The following CEP95 variants were observed in gnomAD, a reference collection of about 807,000 sequenced individuals.
CEP95 encodes centrosomal protein 95.
A neutral mutation model predicts 111.2 loss-of-function variants in CEP95; 98 were observed. That is an observed-to-expected ratio of 0.88 (90% CI 0.75 to 1.04). The LOEUF (loss-of-function observed/expected upper bound fraction) is 1.04. Among genes scored for constraint, CEP95 ranks in the 50% least tolerant of loss-of-function variants. The pLI is 0.00. For missense variants in CEP95, 1,027 were observed against 977.2 expected, an observed-to-expected ratio of 1.05 and a Z score of -0.68; for synonymous variants, 323 against 327.1, an observed-to-expected ratio of 0.99 and a Z score of 0.14.
intron 4 of CEP95, among the ~76,000 whole-genome samples, chr17:64,516,433 T>G (rs1371547651): frequency 6.6e-6 from 1 of 152,170 alleles, no homozygotes; most frequent in Non-Finnish European, 1.5e-5. Flanking sequence ...CCTTTACAGA[T>G]GGAGAGGTAT....
intron 4 of CEP95, 151 bp from the exon 5 acceptor site, chr17:64,516,572 T>G: frequency 2.2e-6 from 1 of 464,650 alleles, no homozygotes; most frequent in Non-Finnish European, 3.9e-6. Flanking sequence ...TACAGGTGAT[T>G]TGGTTCTTTC....
chr17:64,533,054 C>T (rs532922148), intron 15 of CEP95, 46 bp downstream of exon 15: 1 of 1,604,986 alleles, frequency 6.2e-7, no homozygotes, highest in Non-Finnish European at 8.5e-7. Flanking sequence ...ATGAGAAGAG[C>T]TTATCCTTAA....
intron 17 of CEP95, 174 bp downstream of exon 17, chr17:64,534,911 G>A: frequency 1.5e-6 from 1 of 680,078 alleles, no homozygotes; most frequent in Non-Finnish European, 2.5e-6. Context: ...ACTCCATTGT[G>A]CATTCCCGTC....
At chr17:64,516,446 A>G (rs1252957513) in intron 4 of CEP95, among the ~76,000 whole-genome samples, 1 of 152,212 alleles carries the variant, frequency 6.6e-6, no homozygotes, top group Non-Finnish European at 1.5e-5. Context: ...AGAGGTATAA[A>G]AATATTGAAT....
In CEP95 at chr17:64,534,674, T is replaced by A; in HGVS notation, c.2007T>A (p.Tyr669Ter). 1 of 1,610,242 alleles carries A rather than the reference T, an allele frequency of 6.2e-7. No homozygotes were observed. The highest frequency in any genetic ancestry group is 1.3e-5 in the African/African-American group (1 of 74,996). The stretch of plus-strand genomic sequence containing the variant: ...AGCAAATCGTTCGTGCTCGAAAATA[T>A]TATGATGATTATAGAGTTCAGTTGT... ...NRQQIVRARK[Y>*]YDDYRVQLCA... Residue 669 changes from tyrosine (Y) to a stop codon, truncating the protein, a stop_gained, in exon 17 of 20, where the codon TAT (tyrosine) becomes TAA (stop). Transcript: ENST00000556440. LOFTEE classifies it high-confidence loss of function.
chr17:64,508,573 TC>T lies in CEP95; in HGVS notation c.20-14del, dbSNP rs1555673675. On this transcript the variant is annotated intron_variant, in intron 1 of 19. Coordinates refer to ENST00000556440, the MANE Select transcript of CEP95 (RefSeq NM_138363.3). ...TCTGGTGGTTTTTAAGACTGATCTT[TC>T]CCCCTTTTTCCCAACAGAGTGGGTA... 1.5e-6 allele frequency: 2 copies of T among 1,362,184 alleles called. No individual in the cohort carries two copies. The highest frequency in any genetic ancestry group is 1.9e-6 in the Non-Finnish European group (2 of 1,044,084). The allele number at this position is 1,362,184 out of a possible 1,614,324, so 84.4% of individuals were successfully genotyped here.
chr17:64,532,779 A>G (rs1968368823), intron 14 of CEP95, 60 bp from the exon 15 acceptor site: 3 of 1,552,776 alleles, frequency 1.9e-6, no homozygotes, highest in Admixed American at 4.2e-5. Flanking sequence ...TCTACCAGGG[A>G]TGTTGGATGA....
chr17:64,516,010 A>T (rs2144383521), intron 4 of CEP95: 1 of 152,316 alleles, frequency 6.6e-6, no homozygotes, highest in South Asian at 2.1e-4. Flanking sequence ...AAAGTTAAGT[A>T]AGTAGATGTG....
chr17:64,530,962 CAT>C lies in CEP95; in HGVS notation c.1485_1486del (p.His495GlnfsTer13). ...TEAFERELRRHKVQENIGPLR... is the reference protein window; with the variant it reads ...TEAFERELRRXKVQENIGPLR... Reference sequence around the variant, plus strand: ...AGCATTTGAAAGGGAACTAAGAAGACATAAAGTTCAAGAGAATATTGGACCTC... The same window carrying C: ...AGCATTTGAAAGGGAACTAAGAAGACAAAGTTCAAGAGAATATTGGACCTC... On this transcript the variant is annotated frameshift_variant, in exon 13 of 20. Transcript: ENST00000556440. LOFTEE classifies it high-confidence loss of function. The C allele has an allele frequency of 6.4e-7, 1 of 1,560,684 alleles. No homozygotes were observed. The highest frequency in any genetic ancestry group is 8.7e-7 in the Non-Finnish European group (1 of 1,151,090).
intron 13 of CEP95, among the ~76,000 whole-genome samples, chr17:64,531,286 C>T (rs1244806228): frequency 7.9e-5 from 12 of 152,158 alleles, no homozygotes; most frequent in African/African-American, 2.9e-4. Context: ...TTTGACTTAG[C>T]AGTTCACCAG....
chr17:64,508,371 A>C, intron 1 of CEP95: 1 of 984,952 alleles, frequency 1.0e-6, no homozygotes, highest in South Asian at 4.7e-5. Context: ...TTGACTATGT[A>C]GAAATTACAG....
chr17:64,516,953 C>G, intron 5 of CEP95, 125 bp downstream of exon 5: 1 of 571,718 alleles, frequency 1.7e-6, no homozygotes, highest in Non-Finnish European at 3.1e-6. Flanking sequence ...ACTAACTTCT[C>G]ATATTTTAAA....
At chr17:64,528,528 T>C (rs1968033480) in intron 11 of CEP95, among the ~76,000 whole-genome samples, 1 of 152,256 alleles carries the variant, frequency 6.6e-6, no homozygotes, top group Non-Finnish European at 1.5e-5. Flanking sequence ...TGAGCAGCTA[T>C]CATTTAAAAT....
chr17:64,525,888 A>G lies in CEP95; in HGVS notation c.1022+6A>G, dbSNP rs1370040989. 3.2e-6 allele frequency: 5 copies of G among 1,548,492 alleles called. No individual in the cohort carries two copies. Among genetic ancestry groups the G allele is most frequent in the Non-Finnish European group, 4.3e-6 (5 of 1,150,870 alleles). On this transcript the variant is annotated splice_donor_region_variant and intron_variant, in intron 9 of 19. Transcript: ENST00000556440. Reference sequence around the variant, plus strand: ...AAGCCTCCCAAAGGAAAAAGGTAACATTACTGCAGACTTCAGTGTTTACAG... The same window carrying G: ...AAGCCTCCCAAAGGAAAAAGGTAACGTTACTGCAGACTTCAGTGTTTACAG...
chr17:64,507,460 TG>T lies in CEP95; in HGVS notation c.19+347del, dbSNP rs781930695. The T allele has an allele frequency of 5.4e-5, 71 of 1,305,940 alleles. 1 individual carries two copies. The Middle Eastern group carries it at 1.2e-3, about 21-fold the overall frequency. The allele number at this position is 1,305,940 out of a possible 1,614,324, so 80.9% of individuals were successfully genotyped here. A position where few individuals can be genotyped will look rare whatever the true frequency, so the allele number is the denominator to read the frequency against. ...CCGTGTGCCCTCCGCCCTTGCACTA[TG>T]GGCCCTGAGGTCGTACCTGCTTTTG... On this transcript the variant is annotated intron_variant, in intron 1 of 19. Transcript: ENST00000556440.
rs1555676376 is a variant in CEP95, at chr17:64,516,748, A to G, written c.393A>G (p.Glu131=). The G allele has an allele frequency of 2.5e-6, 4 of 1,610,904 alleles. No homozygotes were observed. Residue 131 remains glutamate, a synonymous_variant, in exon 5 of 20, where the codon GAA becomes GAG. Transcript: ENST00000556440. The part of the protein sequence containing the change: ...EKSETEQYFK[E]SDRGERLEEP... ...GTGAAACTGAACAGTATTTTAAAGA[A>G]TCTGATCGAGGAGAACGTTTGGAAG...
chr17:64,518,847 A>C (rs1598203643), intron 5 of CEP95, among the ~76,000 whole-genome samples: 1 of 151,944 alleles, frequency 6.6e-6, no homozygotes, highest in East Asian at 1.9e-4. Flanking sequence ...CGTCCAGCTA[A>C]TTTTTTGTAT....
In CEP95 at chr17:64,516,788, A is replaced by G. The variant is rs781813116; in HGVS notation, c.433A>G (p.Lys145Glu). 2 of 1,611,272 alleles carry G rather than the reference A, an allele frequency of 1.2e-6. No individual in the cohort carries two copies. Among genetic ancestry groups the G allele is most frequent in the East Asian group, 2.2e-5 (1 of 44,836 alleles). ...GERLEEPEST[K>E]ESKSSWKRVS... ...ACGTTTGGAAGAGCCAGAAAGTACT[A>G]AAGAATCTAAATCATCATGGAAAAG... Residue 145 changes from lysine to glutamate, a missense_variant, in exon 5 of 20, where the codon AAA becomes GAA. Lys to Glu is a moderately conservative substitution (Grantham distance 56, BLOSUM62 1). Coordinates refer to ENST00000556440, the MANE Select transcript of CEP95 (RefSeq NM_138363.3).
At chr17:64,532,059 C>A in intron 14 of CEP95, 37 bp downstream of exon 14, 1 of 1,508,992 alleles carries the variant, frequency 6.6e-7, no homozygotes, top group Non-Finnish European at 8.8e-7. Flanking sequence ...GGAAAACTGG[C>A]AACCTTTGAA....
Sources: gnomAD v4.1 joint callset for allele counts (sites outside exome capture counted in the v4.1 genomes callset) on GRCh38, gnomAD v4.1.1 for gene constraint, MANE v1.5 for transcripts, NCBI Gene and HGNC (gene_info 2026-07-23, HGNC 2026-07-21) for gene names.